RBMS1: variants seen among roughly 807,000 people sequenced by gnomAD.
RBMS1 encodes RNA-binding motif, single-stranded-interacting protein 1.
In RBMS1, 17 loss-of-function variants were observed where a neutral mutation model predicts 62.3. The observed-to-expected ratio is 0.27, with a 90% CI of 0.19 to 0.41. RBMS1 has a LOEUF of 0.41. RBMS1 is among the 10% of genes least tolerant of loss of function. The probability of loss-of-function intolerance (pLI) is 1.00; values close to 1 mark genes in which losing one functional copy is unlikely to be tolerated. For missense variants in RBMS1, 334 were observed against 504.5 expected (o/e 0.66, Z 3.24); for synonymous variants, 172 against 170.0 (o/e 1.01, Z -0.09).
At chr2:160,313,350 G>T in intron 3 of RBMS1, 103 bp from the exon 4 acceptor site, 2 of 1,120,528 alleles carry the variant, frequency 1.8e-6, no homozygotes, top group Non-Finnish European at 2.5e-6. Flanking sequence ...CAAGAGACAT[G>T]AAAATGTCCT....
At chr2:160,401,453 TTTC>T (rs1273745226) in intron 1 of RBMS1, among the ~76,000 whole-genome samples, 1 of 152,218 alleles carries the variant, frequency 6.6e-6, no homozygotes, top group Non-Finnish European at 1.5e-5. Flanking sequence ...CAGGAAATGC[TTTC>T]TTCCTTTCCT....
intron 2 of RBMS1, among the ~76,000 whole-genome samples, chr2:160,336,057 T>C (rs1275662838): frequency 6.6e-6 from 1 of 152,124 alleles, no homozygotes; most frequent in Non-Finnish European, 1.5e-5. Context: ...TTAGGTGTGT[T>C]CCCTTTTCTA....
At chr2:160,327,442 T>C (rs565845909) in intron 2 of RBMS1, among the ~76,000 whole-genome samples, 9 of 152,310 alleles carry the variant, frequency 5.9e-5, no homozygotes, top group African/African-American at 2.2e-4. Context: ...TTTTTTGCCA[T>C]AGACTATGAA....
At chr2:160,480,811 A>G (rs1375308497) in intron 1 of RBMS1, among the ~76,000 whole-genome samples, 2 of 152,182 alleles carry the variant, frequency 1.3e-5, no homozygotes, top group Non-Finnish European at 2.9e-5. Context: ...ACACAAGGAT[A>G]CATATGAAAC....
intron 9 of RBMS1, chr2:160,284,494 A>T (rs1574211764): frequency 7.3e-6 from 3 of 412,892 alleles, no homozygotes; most frequent in Admixed American, 4.0e-5. Context: ...GGTGTCCAAA[A>T]GCAGGGCCCC....
At chr2:160,395,424 AC>A (rs1695085034) in intron 1 of RBMS1, among the ~76,000 whole-genome samples, 1 of 152,150 alleles carries the variant, frequency 6.6e-6, no homozygotes, top group Non-Finnish European at 1.5e-5. Flanking sequence ...GGAGATCGAG[AC>A]CATCCTGGCT....
At chr2:160,324,880 GTGTATATATATA>G (rs1478277596) in intron 2 of RBMS1, among the ~76,000 whole-genome samples, 7 of 76,088 alleles carry the variant, frequency 9.2e-5, no homozygotes, top group African/African-American at 7.9e-5. Context: ...GTGTGTGTGT[GTGTATATATATA>G]TATATATATA....
At chr2:160,449,740 G>A (rs932044895) in intron 1 of RBMS1, among the ~76,000 whole-genome samples, 3 of 152,042 alleles carry the variant, frequency 2.0e-5, no homozygotes, top group Non-Finnish European at 4.4e-5. Flanking sequence ...TTGTTCCCAT[G>A]TTTATCTGCT....
At chr2:160,278,040 C>T (rs1446169272) in intron 11 of RBMS1, 1 of 168,654 alleles carries the variant, frequency 5.9e-6, no homozygotes, top group African/African-American at 2.4e-5. Flanking sequence ...CTTTAGCCAT[C>T]TTACCAGCAA....
chr2:160,468,175 G>C (rs1360655328), intron 1 of RBMS1, among the ~76,000 whole-genome samples: 1 of 152,176 alleles, frequency 6.6e-6, no homozygotes, highest in African/African-American at 2.4e-5. Context: ...TTAAAGAAAT[G>C]TAGTAGCCAT....
At chr2:160,375,252 A>T (rs761863641) in intron 1 of RBMS1, among the ~76,000 whole-genome samples, 6 of 152,186 alleles carry the variant, frequency 3.9e-5, no homozygotes, top group Non-Finnish European at 7.3e-5. Context: ...TCCAAGGCCA[A>T]CTTCTGTGAC....
chr2:160,311,209 A>AAAATCTATCT (rs1553505365), intron 4 of RBMS1, among the ~76,000 whole-genome samples: 1 of 57,726 alleles, frequency 1.7e-5, no homozygotes, highest in Non-Finnish European at 3.9e-5. Flanking sequence ...AAAAAAAAAA[A>AAAATCTATCT]ATCTATCTAT....
chr2:160,453,920 C>A (rs929726622), intron 1 of RBMS1, among the ~76,000 whole-genome samples: 1 of 152,200 alleles, frequency 6.6e-6, no homozygotes, highest in African/African-American at 2.4e-5. Context: ...GGCTTTCCAG[C>A]CTTCTCCAGC....
chr2:160,300,488 G>A (rs1247526547), intron 6 of RBMS1, among the ~76,000 whole-genome samples, 163 bp downstream of exon 6: 1 of 152,200 alleles, frequency 6.6e-6, no homozygotes, highest in Non-Finnish European at 1.5e-5. Flanking sequence ...CAATGCCTAT[G>A]CCTAGGGAGA....
intron 1 of RBMS1, among the ~76,000 whole-genome samples, chr2:160,481,629 AAAG>A (rs1685375901): frequency 6.6e-6 from 1 of 152,190 alleles, no homozygotes; most frequent in Non-Finnish European, 1.5e-5. Flanking sequence ...AAGTGAACAA[AAAG>A]TTGAATTGCA....
At chr2:160,275,037 T>C (rs2105926288) in intron 13 of RBMS1, among the ~76,000 whole-genome samples, 1 of 152,304 alleles carries the variant, frequency 6.6e-6, no homozygotes, top group East Asian at 1.9e-4. Context: ...ATACATGTTA[T>C]CACCAGGGCA....
intron 1 of RBMS1, among the ~76,000 whole-genome samples, chr2:160,397,345 T>G (rs902832245): frequency 2.0e-5 from 3 of 152,120 alleles, no homozygotes; most frequent in African/African-American, 7.2e-5. Flanking sequence ...AAAGGTGAGC[T>G]TCACTGGCCT....
At chr2:160,418,315 T>C (rs113342307) in intron 1 of RBMS1, among the ~76,000 whole-genome samples, 1 of 152,232 alleles carries the variant, frequency 6.6e-6, no homozygotes, top group East Asian at 1.9e-4. Context: ...TTCCAACTGA[T>C]GAGCCTCACA....
chr2:160,352,294 C>G (rs952229861), intron 2 of RBMS1, among the ~76,000 whole-genome samples: 1 of 152,058 alleles, frequency 6.6e-6, no homozygotes, highest in African/African-American at 2.4e-5. Context: ...TGGAATTCTA[C>G]AAGGGCAAAT....
Sources: allele counts gnomAD v4.1 joint callset (sites outside exome capture counted in the v4.1 genomes callset), GRCh38; gene constraint gnomAD v4.1.1; transcripts MANE v1.5; gene names NCBI Gene and HGNC (gene_info 2026-07-23, HGNC 2026-07-21).